The following ZDHHC9 variants were observed in gnomAD, a reference collection of about 807,000 sequenced individuals.
ZDHHC9 encodes the protein palmitoyltransferase ZDHHC9.
Under a neutral mutation model 26.6 loss-of-function variants are expected in ZDHHC9, and 3 were observed. That is an observed-to-expected ratio of 0.11 (90% CI 0.05 to 0.29). The LOEUF (loss-of-function observed/expected upper bound fraction) is 0.29. Among genes scored for constraint, ZDHHC9 ranks in the 10% least tolerant of loss-of-function variants. ZDHHC9 has a pLI of 1.00. For synonymous variants in ZDHHC9, 111 were observed against 109.4 expected (o/e 1.01, Z -0.09); for missense variants, 146 against 296.4 (o/e 0.49, Z 3.73).
At chrX:129,812,575 T>C (rs1927666868) in intron 8 of ZDHHC9, 143 bp downstream of exon 8, 2 of 553,954 alleles carry the variant, frequency 3.6e-6, no homozygotes, top group Non-Finnish European at 6.5e-6. Context: ...CTTCCACACA[T>C]CTGACTTAAC....
At chrX:129,842,425 G>A (rs1054370103) in intron 2 of ZDHHC9, among the ~76,000 whole-genome samples, 4 of 112,711 alleles carry the variant, frequency 3.5e-5, no homozygotes, top group Admixed American at 1.9e-4. Flanking sequence ...GGACCAGAGA[G>A]AGGAAATAAC....
chrX:129,832,736 T>C (rs780379726), intron 3 of ZDHHC9, among the ~76,000 whole-genome samples: 5 of 109,952 alleles, frequency 4.5e-5, no homozygotes, highest in Non-Finnish European at 9.5e-5. Flanking sequence ...TGAGCGGAGA[T>C]CGTGCCACTG....
At chrX:129,816,269 C>T (rs1306521933) in intron 5 of ZDHHC9, among the ~76,000 whole-genome samples, 1 of 111,591 alleles carries the variant, frequency 9.0e-6, no homozygotes. Flanking sequence ...GGGCTGACTT[C>T]ATATCCATGG....
intron 3 of ZDHHC9, among the ~76,000 whole-genome samples, chrX:129,829,776 G>C (rs981043296): frequency 4.5e-5 from 5 of 111,560 alleles, no homozygotes; most frequent in Non-Finnish European, 9.4e-5. Flanking sequence ...TTTATCCTTA[G>C]TACCCCTTCC....
intron 3 of ZDHHC9, among the ~76,000 whole-genome samples, chrX:129,838,398 G>A (rs1200117582): frequency 8.9e-6 from 1 of 112,117 alleles, no homozygotes; most frequent in South Asian, 3.8e-4. Context: ...CAGGCCGGGC[G>A]CAGTGGCTCA....
intron 6 of ZDHHC9, 113 bp from the exon 7 acceptor site, chrX:129,813,838 C>T: frequency 1.4e-6 from 1 of 699,124 alleles, no homozygotes; most frequent in South Asian, 2.3e-5. Context: ...TACACACTGG[C>T]AAGAGCTAAG....
In ZDHHC9 at chrX:129,808,695, A is replaced by G. The variant is rs369303559; in HGVS notation, c.979-2209T>C. ...ATGACACCAAAAAGTACAAACAACAAAAGAAAAAAATAGACAAACTGGACT... is the reference window on the plus strand; with the variant it reads ...ATGACACCAAAAAGTACAAACAACAGAAGAAAAAAATAGACAAACTGGACT... On this transcript the variant is annotated intron_variant, in intron 10 of 10. Transcript: ENST00000357166. 8.8e-4 allele frequency among the ~76,000 whole-genome samples: 99 copies of G among 112,463 alleles called. 1 individual carries two copies. The highest frequency in any genetic ancestry group is 3.1e-3 in the African/African-American group (97 of 30,998).
intron 5 of ZDHHC9, among the ~76,000 whole-genome samples, chrX:129,821,217 G>T (rs1237424842): frequency 2.7e-5 from 3 of 111,100 alleles, no homozygotes; most frequent in African/African-American, 9.8e-5. Context: ...CATTGTGGAA[G>T]ATGTGGCAAT....
At position 129,824,108 on chromosome X, in the gene ZDHHC9, T is replaced by A. The variant is rs1022037615; in HGVS notation, c.329-271A>T. 4.5e-5 allele frequency among the ~76,000 whole-genome samples: 5 copies of A among 111,570 alleles called. No individual in the cohort carries two copies. In the East Asian group the frequency reaches 8.3e-4, roughly 19 times the overall value. ...TTTAAAAAAATAGCTAAAAATACAT[T>A]AAATGAAAACATCCAATTTCACTAA... On this transcript the variant is annotated intron_variant, in intron 4 of 10. Transcript: ENST00000357166.
intron 3 of ZDHHC9, among the ~76,000 whole-genome samples, chrX:129,840,062 G>A (rs1206630222): frequency 9.0e-6 from 1 of 111,330 alleles, no homozygotes; most frequent in South Asian, 3.8e-4. Context: ...TCCCACCAGC[G>A]GTTTTCTTCA....
At chrX:129,832,299 A>G (rs1928159106) in intron 3 of ZDHHC9, among the ~76,000 whole-genome samples, 1 of 111,006 alleles carries the variant, frequency 9.0e-6, no homozygotes, top group Non-Finnish European at 1.9e-5. Context: ...GGTAATTCCC[A>G]ATATAGACCT....
intron 3 of ZDHHC9, among the ~76,000 whole-genome samples, chrX:129,831,405 G>C (rs188045696): frequency 1.8e-5 from 2 of 111,570 alleles, no homozygotes; most frequent in Non-Finnish European, 3.8e-5. Flanking sequence ...CCACCAAAGA[G>C]AGCTTAATTT....
chrX:129,830,319 T>C (rs1401298475), intron 3 of ZDHHC9, among the ~76,000 whole-genome samples: 2 of 111,717 alleles, frequency 1.8e-5, no homozygotes, highest in Admixed American at 1.9e-4. Flanking sequence ...ATGAGGATAA[T>C]AACAGTGCTT....
At chrX:129,826,412 A>AT (rs1354374083) in intron 4 of ZDHHC9, among the ~76,000 whole-genome samples, 1 of 111,372 alleles carries the variant, frequency 9.0e-6, no homozygotes, top group East Asian at 2.8e-4. Flanking sequence ...ATAAACATAC[A>AT]TATGAACTGA....
chrX:129,826,771 C>T (rs992763104), intron 4 of ZDHHC9, among the ~76,000 whole-genome samples: 4 of 111,897 alleles, frequency 3.6e-5, no homozygotes, highest in Non-Finnish European at 7.5e-5. Flanking sequence ...CACCCTCACC[C>T]CACCCCCAAA....
At chrX:129,808,363 G>A (rs1023226427) in intron 10 of ZDHHC9, among the ~76,000 whole-genome samples, 8 of 112,202 alleles carry the variant, frequency 7.1e-5, no homozygotes, top group African/African-American at 2.6e-4. Context: ...ACTAGCATAA[G>A]AACAGACATA....
Position 129,829,932 on chromosome X carries a change from C to T in ZDHHC9, c.168-791G>A, listed in dbSNP as rs746195008. Among the ~76,000 whole-genome samples the T allele has an allele frequency of 1.5e-4, 17 of 111,540 alleles. No homozygotes were observed. The South Asian group carries it at 5.3e-3, about 35-fold the overall frequency. On this transcript the variant is annotated intron_variant, in intron 3 of 10. Coordinates refer to ENST00000357166, the MANE Select transcript of ZDHHC9 (RefSeq NM_016032.4). ...CATTGCAACTATAATTTATTGAGGG[C>T]TCTCCATAAGACAGGCACTGCACTA...
rs368406197 is a variant in ZDHHC9 at position 129,815,836 on chromosome X, C to A, written c.488-1041G>T. ...AATCAATAGGAAAATACAAATACTT[C>A]GTCAAGAAAATAATAGTCAAAAGTT... On this transcript the variant is annotated intron_variant, in intron 5 of 10. Coordinates refer to ENST00000357166, the MANE Select transcript of ZDHHC9 (RefSeq NM_016032.4). Among the ~76,000 whole-genome samples the A allele has an allele frequency of 5.4e-5, 6 of 111,876 alleles. No individual in the cohort carries two copies. In the East Asian group the frequency reaches 1.7e-3, roughly 31 times the overall value.
intron 5 of ZDHHC9, among the ~76,000 whole-genome samples, chrX:129,818,335 T>G (rs185525541): frequency 9.7e-4 from 109 of 111,895 alleles, no homozygotes; most frequent in Non-Finnish European, 5.6e-4. Context: ...TGAGGTATTT[T>G]GTTATGGTAA....
Sources: gnomAD v4.1 joint callset for allele counts (sites outside exome capture counted in the v4.1 genomes callset) on GRCh38, gnomAD v4.1.1 for gene constraint, MANE v1.5 for transcripts, NCBI Gene and HGNC (gene_info 2026-07-23, HGNC 2026-07-21) for gene names.